Variants in R3HDM1 observed in about 807,000 individuals in gnomAD.
R3HDM1 encodes R3H domain containing 1.
Under a neutral mutation model 141.1 loss-of-function variants are expected in R3HDM1, and 46 were observed. The observed-to-expected ratio is 0.33, with a 90% CI of 0.26 to 0.42. The LOEUF is 0.42. R3HDM1 is among the 10% of genes least tolerant of loss of function. R3HDM1 has a pLI of 1.00. For missense variants in R3HDM1, 1,184 were observed against 1,368.3 expected (o/e 0.87, Z 2.12); for synonymous variants, 435 against 472.9 (o/e 0.92, Z 1.04).
At chr2:135,647,363 TG>T (rs1446275540) in intron 16 of R3HDM1, among the ~76,000 whole-genome samples, 1 of 152,244 alleles carries the variant, frequency 6.6e-6, no homozygotes, top group Non-Finnish European at 1.5e-5. Flanking sequence ...AATTTTCATT[TG>T]GTTTCATTTT....
rs577936455 is a variant in R3HDM1, at chr2:135,652,050, C to A, written c.2028+18C>A. 2.0e-5 allele frequency: 31 copies of A among 1,528,626 alleles called. No individual in the cohort carries two copies. In the South Asian group the frequency reaches 4.1e-4, roughly 20 times the overall value. 94.7% of individuals were successfully genotyped at this position (1,528,626 alleles called of 1,614,324 possible). On this transcript the variant is annotated intron_variant, in intron 18 of 26. Transcript: ENST00000683871. ...CACCACAGGTATATTGCTTTTTAACCTTTTCTTTCTTGTGGAAACCTCTCA... is the reference window on the plus strand; with the variant it reads ...CACCACAGGTATATTGCTTTTTAACATTTTCTTTCTTGTGGAAACCTCTCA...
intron 21 of R3HDM1, among the ~76,000 whole-genome samples, chr2:135,682,655 T>G (rs2070529350): frequency 6.6e-6 from 1 of 152,182 alleles, no homozygotes; most frequent in East Asian, 1.9e-4. Context: ...GCACAGAAAT[T>G]AAAAGATAGA....
At position 135,542,288 on chromosome 2, in the gene R3HDM1, A is replaced by C. The variant is rs571920374; in HGVS notation, c.-250+10655A>C. 2.2e-4 allele frequency among the ~76,000 whole-genome samples: 33 copies of C among 152,334 alleles called. No homozygotes were observed. The South Asian group carries it at 5.8e-3, about 27-fold the overall frequency. Reference sequence around the variant, plus strand: ...GGGAAAAGTACCTATTTTTAAATGAATATCCTCTGCAAAATAACATTCATA... The same window carrying C: ...GGGAAAAGTACCTATTTTTAAATGACTATCCTCTGCAAAATAACATTCATA... On this transcript the variant is annotated intron_variant, in intron 1 of 26. Coordinates refer to ENST00000683871, the MANE Select transcript of R3HDM1 (RefSeq NM_001378107.1).
At chr2:135,593,322 T>C (rs1709785048) in intron 1 of R3HDM1, among the ~76,000 whole-genome samples, 1 of 152,168 alleles carries the variant, frequency 6.6e-6, no homozygotes. Context: ...CATGGGGAGC[T>C]CTCAGTATAA....
intron 3 of R3HDM1, among the ~76,000 whole-genome samples, chr2:135,611,467 AATGTT>A (rs2060545259): frequency 3.3e-5 from 5 of 152,172 alleles, no homozygotes; most frequent in African/African-American, 7.2e-5. Context: ...TGCTATTAAC[AATGTT>A]ATAATTGTTA....
At chr2:135,597,035 A>T in intron 1 of R3HDM1, 6 of 984,660 alleles carry the variant, frequency 6.1e-6, no homozygotes, top group Non-Finnish European at 7.2e-6. Context: ...TTCTCCACTC[A>T]GAATGCAGCA....
At position 135,651,895 on chromosome 2, in the gene R3HDM1, C is replaced by T. The variant is rs1352038840; in HGVS notation, c.1891C>T (p.Pro631Ser). 1 of 1,613,518 alleles carries T rather than the reference C, an allele frequency of 6.2e-7. No individual in the cohort carries two copies. Among genetic ancestry groups the T allele is most frequent in the Non-Finnish European group, 8.5e-7 (1 of 1,179,608 alleles). The change falls in exon 18 of 27, where the codon CCG becomes TCG. Residue 631 changes from proline (P) to serine (S), a missense_variant. Around this residue, in one of 5 missense-constraint regions of R3HDM1, gnomAD observed 563 missense variants for 562.0 expected, o/e 1.00. Transcript: ENST00000683871. ...TAAPPPHPPP[P>S]PPPPPPPPPL... ...AGCCCCTCCACCACATCCTCCTCCA[C>T]CGCCACCACCACCACCTCCTCCTCC... is the stretch of plus-strand genomic sequence containing the variant.
At chr2:135,585,961 C>CT (rs1467478687) in intron 1 of R3HDM1, among the ~76,000 whole-genome samples, 2 of 152,176 alleles carry the variant, frequency 1.3e-5, no homozygotes, top group South Asian at 2.1e-4. Context: ...GACAAATTGC[C>CT]TTTTTTTAAG....
In R3HDM1 at chr2:135,638,649, A is replaced by G. The variant is rs2063492652; in HGVS notation, c.935A>G (p.Asp312Gly). The G allele has an allele frequency of 1.9e-6, 3 of 1,610,804 alleles. No individual in the cohort carries two copies. The highest frequency in any genetic ancestry group is 2.5e-6 in the Non-Finnish European group (3 of 1,177,152). Residue 312 changes from aspartate (D) to glycine (G), a missense_variant, in exon 12 of 27, where the codon GAC becomes GGC. Physicochemically the swap from Asp to Gly is moderately conservative, Grantham distance 94 (BLOSUM62 -1). Transcript: ENST00000683871. ...TGTTCCCAAGAGAATTACATTATTG[A>G]CAAAAGGTGAGGGAATTTTTAACAT... ...SLCSQENYIIDKRLQDEDASS... is the reference protein window; with the variant it reads ...SLCSQENYIIGKRLQDEDASS...
chr2:135,590,818 C>T (rs1210830472), intron 1 of R3HDM1: 1 of 751,886 alleles, frequency 1.3e-6, no homozygotes, highest in Admixed American at 6.3e-5. Context: ...AAGACAGCAC[C>T]TGTTCTGCCT....
At chr2:135,703,716 C>G (rs1445482896) in intron 21 of R3HDM1, among the ~76,000 whole-genome samples, 1 of 151,894 alleles carries the variant, frequency 6.6e-6, no homozygotes, top group African/African-American at 2.4e-5. Flanking sequence ...CCAGATAAAT[C>G]AGCTATTAGC....
At chr2:135,697,100 C>A (rs1397337583) in intron 21 of R3HDM1, among the ~76,000 whole-genome samples, 1 of 152,116 alleles carries the variant, frequency 6.6e-6, no homozygotes, top group Non-Finnish European at 1.5e-5. Flanking sequence ...ACCTATGTTG[C>A]ACCAGCCTGA....
chr2:135,638,658 G>A lies in R3HDM1; in HGVS notation c.941+3G>A, dbSNP rs754311216. 1.2e-6 allele frequency: 2 copies of A among 1,610,638 alleles called. No homozygotes were observed. Among genetic ancestry groups the A allele is most frequent in the Non-Finnish European group, 1.7e-6 (2 of 1,177,128 alleles). On this transcript the variant is annotated splice_donor_region_variant and intron_variant, in intron 12 of 26. Coordinates refer to ENST00000683871, the MANE Select transcript of R3HDM1 (RefSeq NM_001378107.1). ...GAGAATTACATTATTGACAAAAGGT[G>A]AGGGAATTTTTAACATCTGTTTTGG...
intron 21 of R3HDM1, among the ~76,000 whole-genome samples, chr2:135,686,079 A>T (rs565967199): frequency 6.6e-6 from 1 of 152,344 alleles, no homozygotes; most frequent in East Asian, 1.9e-4. Context: ...GCTTGATATC[A>T]CTAATCATTA....
rs573750106 is a variant in R3HDM1, at chr2:135,710,353, G to A, written c.2736+122G>A. ...TAATAAAAGAATTTGGGCCAGGCGCGGTGGCTCTCCCCTGTAATCCCAGCA... is the reference window on the plus strand; with the variant it reads ...TAATAAAAGAATTTGGGCCAGGCGCAGTGGCTCTCCCCTGTAATCCCAGCA... On this transcript the variant is annotated intron_variant, in intron 23 of 26. Coordinates refer to ENST00000683871, the MANE Select transcript of R3HDM1 (RefSeq NM_001378107.1). 429 of 1,023,410 alleles carry A rather than the reference G, an allele frequency of 4.2e-4. 1 individual carries two copies. The highest frequency in any genetic ancestry group is 4.2e-4 in the Non-Finnish European group (297 of 715,118). The allele number at this position is 1,023,410 out of a possible 1,614,324, so 63.4% of individuals were successfully genotyped here. A position where few individuals can be genotyped will look rare whatever the true frequency, so the allele number is the denominator to read the frequency against.
At chr2:135,543,528 T>C (rs1312805984) in intron 1 of R3HDM1, among the ~76,000 whole-genome samples, 2 of 152,120 alleles carry the variant, frequency 1.3e-5, no homozygotes, top group South Asian at 4.1e-4. Context: ...TGGATTTTAA[T>C]TGGGATTGTG....
chr2:135,707,475 T>C (rs560215211), intron 21 of R3HDM1, among the ~76,000 whole-genome samples: 45 of 152,340 alleles, frequency 3.0e-4, no homozygotes, highest in Admixed American at 2.0e-3. Context: ...ACCTAACGGG[T>C]AATCTAGTGC....
rs1429554789 is a variant in R3HDM1 at position 135,602,794 on chromosome 2, T to C, written c.-41+86T>C. 4.4e-6 allele frequency: 5 copies of C among 1,124,222 alleles called. No individual in the cohort carries two copies. The African/African-American group carries it at 8.1e-5, about 18-fold the overall frequency. The allele number at this position is 1,124,222 out of a possible 1,614,324, so 69.6% of individuals were successfully genotyped here. On this transcript the variant is annotated intron_variant, in intron 2 of 26. Transcript: ENST00000683871. ...GCAAGAAGCCAGTGTCTTAAGTAACTTCACCACCCTCTCCCTACTTTGCAG... is the reference window on the plus strand; with the variant it reads ...GCAAGAAGCCAGTGTCTTAAGTAACCTCACCACCCTCTCCCTACTTTGCAG...
chr2:135,541,979 A>G (rs1280721208), intron 1 of R3HDM1, among the ~76,000 whole-genome samples: 1 of 152,190 alleles, frequency 6.6e-6, no homozygotes, highest in Admixed American at 6.5e-5. Flanking sequence ...AGATTTTGGA[A>G]TATTGAAATA....
Sources: allele counts gnomAD v4.1 joint callset (sites outside exome capture counted in the v4.1 genomes callset), GRCh38; gene constraint gnomAD v4.1.1; regional missense constraint gnomAD v4.1.1; transcripts MANE v1.5; gene names NCBI Gene and HGNC (gene_info 2026-07-23, HGNC 2026-07-21).